Variants in RASL10A observed in about 807,000 individuals in gnomAD.
RASL10A encodes RAS like family 10 member A.
Under a neutral mutation model 17.3 loss-of-function variants are expected in RASL10A, and 13 were observed. That is an observed-to-expected ratio of 0.75 (90% CI 0.49 to 1.20). The LOEUF (loss-of-function observed/expected upper bound fraction) is 1.20. Among genes scored for constraint, RASL10A ranks in the 50% most tolerant of loss-of-function variants. RASL10A has a pLI of 0.00. For synonymous variants in RASL10A, 159 were observed against 142.2 expected, an observed-to-expected ratio of 1.12 and a Z score of -0.84; for missense variants, 307 against 310.3, an observed-to-expected ratio of 0.99 and a Z score of 0.08.
At chr22:29,313,674 G>GCCC in intron 2 of RASL10A, 106 bp from the exon 3 acceptor site, 2 of 1,388,426 alleles carry the variant, frequency 1.4e-6, no homozygotes, top group Non-Finnish European at 1.9e-6. Flanking sequence ...CAGAGACACC[G>GCCC]CCCCCCCCGC....
In RASL10A at chr22:29,313,913, C is replaced by T. The variant is rs369427009; in HGVS notation, c.294G>A (p.Pro98=). The part of the protein sequence containing the change: ...AFVLVYDICS[P]DSFDYVKALR... Reference sequence around the variant, plus strand: ...GGGCCTTCACGTAGTCGAAACTGTCCGGGCTGCAGATGTCGTAGACGAGCA... The same window carrying T: ...GGGCCTTCACGTAGTCGAAACTGTCTGGGCTGCAGATGTCGTAGACGAGCA... Residue 98 remains proline, a synonymous_variant, in exon 2 of 3, where the codon CCG becomes CCA. Transcript: ENST00000216101. 8.7e-5 allele frequency: 141 copies of T among 1,613,854 alleles called. No homozygotes were observed. Among genetic ancestry groups the T allele is most frequent in the Non-Finnish European group, 1.1e-4 (133 of 1,180,046 alleles).
rs555840666 is a variant in RASL10A, at chr22:29,312,984, T to C, written c.*317A>G. On this transcript the variant is annotated 3_prime_UTR_variant, in exon 3 of 3. Coordinates refer to ENST00000216101, the MANE Select transcript of RASL10A (RefSeq NM_006477.5). ...CGTGGTAGGTGTGGCATAAAGAATA[T>C]GTCCAGTGAAGCTCCAGGAGCAGGC... 4 of 370,360 alleles carry C rather than the reference T, an allele frequency of 1.1e-5. No individual in the cohort carries two copies. Among genetic ancestry groups the C allele is most frequent in the African/African-American group, 4.2e-5 (2 of 48,000 alleles). 22.9% of individuals were successfully genotyped at this position (370,360 alleles called of 1,614,324 possible).
chr22:29,317,982 G>A (rs1569146106), upstream of RASL10A, among the ~76,000 whole-genome samples: 2 of 151,950 alleles, frequency 1.3e-5, no homozygotes, highest in Middle Eastern at 3.4e-3. Context: ...CACTGCGCCC[G>A]GCCAGGACGG....
intron 2 of RASL10A, 104 bp from the exon 3 acceptor site, chr22:29,313,672 C>G: frequency 1.4e-6 from 2 of 1,412,030 alleles, no homozygotes; most frequent in Non-Finnish European, 1.9e-6. Flanking sequence ...GCCAGAGACA[C>G]CGCCCCCCCC....
Position 29,314,129 on chromosome 22 carries a change from C to G in RASL10A, c.220-142G>C, listed in dbSNP as rs1294834526. On this transcript the variant is annotated intron_variant, in intron 1 of 2. Coordinates refer to ENST00000216101, the MANE Select transcript of RASL10A (RefSeq NM_006477.5). ...GTGCCCCTCCCCCAAGCTTTCCGGG[C>G]CGTCTCCTCATGACCACCAGGGTAA... is the stretch of plus-strand genomic sequence containing the variant. 3.0e-5 allele frequency: 35 copies of G among 1,183,958 alleles called. 1 individual carries two copies. In the South Asian group the frequency reaches 5.3e-4, roughly 18 times the overall value. 73.3% of individuals were successfully genotyped at this position (1,183,958 alleles called of 1,614,324 possible).
intron 1 of RASL10A, 85 bp downstream of exon 1, chr22:29,314,943 G>T: frequency 8.8e-7 from 1 of 1,130,664 alleles, no homozygotes; most frequent in Non-Finnish European, 1.2e-6. Flanking sequence ...GGCGCCCGAG[G>T]CCTCCACGCG....
chr22:29,314,018 C>G, intron 1 of RASL10A, 31 bp from the exon 2 acceptor site: 1 of 1,609,254 alleles, frequency 6.2e-7, no homozygotes, highest in South Asian at 1.1e-5. Flanking sequence ...TTTGCGGAAG[C>G]CTCCTTTCCA....
At chr22:29,318,875 G>T (rs983651942), upstream of RASL10A, among the ~76,000 whole-genome samples, 1 of 152,206 alleles carries the variant, frequency 6.6e-6, no homozygotes, top group Non-Finnish European at 1.5e-5. Context: ...ACCCTCTGTG[G>T]CAGGGAGAAA....
At chr22:29,318,703 G>C (rs1177863917), upstream of RASL10A, among the ~76,000 whole-genome samples, 1 of 152,194 alleles carries the variant, frequency 6.6e-6, no homozygotes, top group Non-Finnish European at 1.5e-5. Context: ...TAGGCCTCCT[G>C]CCTGCTGCCC....
intron 1 of RASL10A, chr22:29,314,227 A>T (rs1302675434): frequency 4.3e-6 from 2 of 466,322 alleles, no homozygotes; most frequent in Non-Finnish European, 7.6e-6. Flanking sequence ...TTTACCCCGA[A>T]TCTTCCTCTT....
At chr22:29,315,959 A>G (rs1447796676), upstream of RASL10A, among the ~76,000 whole-genome samples, 6 of 152,018 alleles carry the variant, frequency 3.9e-5, no homozygotes, top group African/African-American at 1.4e-4. This position sits in a 1 kb window ranked among gnomAD's most constrained non-coding sequence, Gnocchi z 5.5. Context: ...GCTCGCCCCC[A>G]CGCTGGCTCC....
chr22:29,313,596 C>G, intron 2 of RASL10A, 28 bp from the exon 3 acceptor site: 1 of 1,508,332 alleles, frequency 6.6e-7, no homozygotes, highest in Non-Finnish European at 8.8e-7. Context: ...ATGAGAGACG[C>G]GGGGACCCCA....
upstream of RASL10A, chr22:29,315,750 G>A (rs954189314): frequency 6.6e-6 from 1 of 152,166 alleles, no homozygotes; most frequent in Non-Finnish European, 1.5e-5. The surrounding 1 kb of genome is among the most constrained non-coding windows in gnomAD (Gnocchi z 5.5). Flanking sequence ...GCGGCGATGA[G>A]GTAACCGCCC....
Position 29,313,043 on chromosome 22 carries a change from T to C in RASL10A, c.*258A>G, listed in dbSNP as rs2061427901. 4.7e-6 allele frequency: 2 copies of C among 429,878 alleles called. No individual in the cohort carries two copies. Among genetic ancestry groups the C allele is most frequent in the Non-Finnish European group, 8.1e-6 (2 of 247,506 alleles). 26.6% of individuals were successfully genotyped at this position (429,878 alleles called of 1,614,324 possible). A position where few individuals can be genotyped will look rare whatever the true frequency, so the allele number is the denominator to read the frequency against. ...TCCAGTCAAGTTCATAGCCAAGTCC[T>C]TTCCATCCAATGGGATTGTGACCCA... On this transcript the variant is annotated 3_prime_UTR_variant, in exon 3 of 3. Transcript: ENST00000216101.
At chr22:29,316,462 CTA>C (rs1256849363), upstream of RASL10A, among the ~76,000 whole-genome samples, 1 of 152,222 alleles carries the variant, frequency 6.6e-6, no homozygotes, top group Non-Finnish European at 1.5e-5. Flanking sequence ...ACCTCCATCA[CTA>C]CTAAGGTCAC....
At position 29,315,390 on chromosome 22, in the gene RASL10A, A is replaced by T. The variant is rs1009176337; in HGVS notation, c.-144T>A. On this transcript the variant is annotated 5_prime_UTR_variant, in exon 1 of 3. Transcript: ENST00000216101. The surrounding 1 kb of genome is among the most constrained non-coding windows in gnomAD (Gnocchi z 5.5). ...TCTCGTCGCCCCTCGGAGCACCGAG[A>T]CCGGAGAGGGCAGGCCCGAGGCAGG... 4.3e-4 allele frequency: 188 copies of T among 434,768 alleles called. 1 individual carries two copies. Among genetic ancestry groups the T allele is most frequent in the Middle Eastern group, 2.9e-3 (4 of 1,384 alleles). 26.9% of individuals were successfully genotyped at this position (434,768 alleles called of 1,614,324 possible). A position where few individuals can be genotyped will look rare whatever the true frequency, so the allele number is the denominator to read the frequency against.
In RASL10A at chr22:29,313,998, G is replaced by A. The variant is rs1230594374; in HGVS notation, c.220-11C>T. On this transcript the variant is annotated splice_polypyrimidine_tract_variant and intron_variant, in intron 1 of 2. Coordinates refer to ENST00000216101, the MANE Select transcript of RASL10A (RefSeq NM_006477.5). ...AGCGTCTGGCCACTCCTGGGGACAG[G>A]AGGCCAGGGTTTGCGGAAGCCTCCT... 1.2e-6 allele frequency: 2 copies of A among 1,612,558 alleles called. No homozygotes were observed. The highest frequency in any genetic ancestry group is 1.7e-6 in the Non-Finnish European group (2 of 1,179,976).
Position 29,315,224 on chromosome 22 carries a change from G to T in RASL10A, c.23C>A (p.Ala8Asp). ...GCCCACGCCCGGGGCGCCTAGAACG[G>T]CCACCCGCAGGCTACCCCCCATGGC... MGGSLRV[A>D]VLGAPGVGKT... The change falls in exon 1 of 3, where the codon GCC (alanine) becomes GAC (aspartate). Residue 8 changes from alanine (A) to aspartate (D), a missense_variant. Ala to Asp is a moderately radical substitution (Grantham distance 126). Transcript: ENST00000216101. This position sits in a 1 kb window ranked among gnomAD's most constrained non-coding sequence, Gnocchi z 5.5. The T allele has an allele frequency of 1.3e-6, 2 of 1,515,330 alleles. No homozygotes were observed. The highest frequency in any genetic ancestry group is 1.2e-5 in the South Asian group (1 of 81,384). 93.9% of individuals were successfully genotyped at this position (1,515,330 alleles called of 1,614,324 possible). A position where few individuals can be genotyped will look rare whatever the true frequency, so the allele number is the denominator to read the frequency against.
chr22:29,315,057 C>CA lies in RASL10A; in HGVS notation c.189dup (p.Gly64TrpfsTer16). ...GGACCCCCGGGGCTCGAGCCGGGGC[C>CA]AGCGACGTCGCCGTCGCGGATGCTC... On this transcript the variant is annotated frameshift_variant, in exon 1 of 3. Transcript: ENST00000216101. LOFTEE classifies it high-confidence loss of function. This position sits in a 1 kb window ranked among gnomAD's most constrained non-coding sequence, Gnocchi z 5.5. 5 of 1,517,696 alleles carry CA rather than the reference C, an allele frequency of 3.3e-6. No individual in the cohort carries two copies. The highest frequency in any genetic ancestry group is 4.4e-6 in the Non-Finnish European group (5 of 1,137,022). 94.0% of individuals were successfully genotyped at this position (1,517,696 alleles called of 1,614,324 possible). A position where few individuals can be genotyped will look rare whatever the true frequency, so the allele number is the denominator to read the frequency against.
Sources: allele counts gnomAD v4.1 joint callset (sites outside exome capture counted in the v4.1 genomes callset), GRCh38; gene constraint gnomAD v4.1.1; non-coding constraint Gnocchi (gnomAD v3.1); transcripts MANE v1.5; gene names NCBI Gene and HGNC (gene_info 2026-07-23, HGNC 2026-07-21).